The following TRPC4 variants were observed in gnomAD, a reference collection of about 807,000 sequenced individuals.
TRPC4 encodes transient receptor potential cation channel subfamily C member 4.
Under a neutral mutation model 99.4 loss-of-function variants are expected in TRPC4, and 49 were observed. That is an observed-to-expected ratio of 0.49 (90% confidence interval 0.39 to 0.63). TRPC4 has a LOEUF of 0.63. Among genes scored for constraint, TRPC4 ranks in the 20% least tolerant of loss-of-function variants. The pLI is 0.00. For missense variants in TRPC4, 898 were observed against 1,152.9 expected (o/e 0.78, Z 3.20); for synonymous variants, 454 against 425.9 (o/e 1.07, Z -0.81).
chr13:37,656,607 C>CA (rs1468434586), intron 6 of TRPC4, among the ~76,000 whole-genome samples: 1 of 151,864 alleles, frequency 6.6e-6, no homozygotes, highest in East Asian at 1.9e-4. Context: ...TGCATTAAGG[C>CA]AAAAAAGATC....
chr13:37,791,263 G>A (rs554811024), intron 1 of TRPC4, among the ~76,000 whole-genome samples: 1 of 152,004 alleles, frequency 6.6e-6, no homozygotes, highest in Admixed American at 6.6e-5. Context: ...GGGCATAGTG[G>A]CATGCACCTG....
intron 8 of TRPC4, among the ~76,000 whole-genome samples, chr13:37,647,814 A>C (rs919644193): frequency 2.0e-5 from 3 of 152,248 alleles, no homozygotes; most frequent in Middle Eastern, 3.2e-3. Context: ...ATAATAAACT[A>C]TCAGGAGGAT....
At position 37,855,820 on chromosome 13, in the gene TRPC4, A is replaced by G. The variant is rs530407310; in HGVS notation, c.-28+13775T>C. Among the ~76,000 whole-genome samples, 5 of 152,032 alleles carry G rather than the reference A, an allele frequency of 3.3e-5. No homozygotes were observed. The East Asian group carries it at 9.6e-4, about 29-fold the overall frequency. On this transcript the variant is annotated intron_variant, in intron 1 of 10. Coordinates refer to ENST00000379705, the MANE Select transcript of TRPC4 (RefSeq NM_016179.4). ...AAGTAATTAAGAAGGAAATTGAAAG[A>G]TATCTTGAGACAAATTACAATGGAA...
chr13:37,639,822 G>GAATA (rs1951660081), intron 8 of TRPC4, among the ~76,000 whole-genome samples: 1 of 150,974 alleles, frequency 6.6e-6, no homozygotes, highest in Non-Finnish European at 1.5e-5. Flanking sequence ...GGATTTAACG[G>GAATA]AATAAATAAA....
At chr13:37,787,963 C>T (rs549875241) in intron 1 of TRPC4, among the ~76,000 whole-genome samples, 25 of 152,042 alleles carry the variant, frequency 1.6e-4, no homozygotes, top group Admixed American at 1.4e-3. Flanking sequence ...ACACACATAT[C>T]GAGGGGAATG....
At chr13:37,853,975 A>G (rs1286536429) in intron 1 of TRPC4, among the ~76,000 whole-genome samples, 1 of 152,154 alleles carries the variant, frequency 6.6e-6, no homozygotes, top group African/African-American at 2.4e-5. Context: ...TTGGCCTTAA[A>G]GAGGAAGTAG....
intron 8 of TRPC4, among the ~76,000 whole-genome samples, chr13:37,650,608 T>TACACA (rs1392003949): frequency 3.2e-4 from 14 of 44,412 alleles, no homozygotes; most frequent in African/African-American, 1.0e-3. Flanking sequence ...TCTCTCTCTC[T>TACACA]CTATACACAC....
intron 1 of TRPC4, among the ~76,000 whole-genome samples, chr13:37,815,805 A>G (rs1464443098): frequency 6.6e-6 from 1 of 151,922 alleles, no homozygotes; most frequent in Non-Finnish European, 1.5e-5. Context: ...CTAAAACAAA[A>G]GAATATACAT....
At position 37,745,487 on chromosome 13, in the gene TRPC4, C is replaced by T. The variant is rs1566138492; in HGVS notation, c.897+450G>A. 3.0e-4 allele frequency among the ~76,000 whole-genome samples: 35 copies of T among 116,960 alleles called. 1 individual carries two copies. The highest frequency in any genetic ancestry group is 6.6e-4 in the Admixed American group (8 of 12,086). 76.7% of individuals were successfully genotyped at this position (116,960 alleles called of 152,430 possible). On this transcript the variant is annotated intron_variant, in intron 3 of 10. Transcript: ENST00000379705. ...ATATATATATATACACACACACACA[C>T]ACTTATATATACGTATATATGTATA...
In TRPC4 at chr13:37,777,683, T is replaced by C. The variant is rs1439292841; in HGVS notation, c.378+5273A>G. On this transcript the variant is annotated intron_variant, in intron 2 of 10. Coordinates refer to ENST00000379705, the MANE Select transcript of TRPC4 (RefSeq NM_016179.4). ...TGTTATTTGTACATTTGTTTGTCAATAGGAAGACAGAGATAATGGCATAAC... is the reference window on the plus strand; with the variant it reads ...TGTTATTTGTACATTTGTTTGTCAACAGGAAGACAGAGATAATGGCATAAC... Among the ~76,000 whole-genome samples the C allele has an allele frequency of 2.6e-5, 4 of 152,028 alleles. 1 individual carries two copies. Among genetic ancestry groups the C allele is most frequent in the Admixed American group, 2.6e-4 (4 of 15,228 alleles).
At chr13:37,663,755 A>G in intron 5 of TRPC4, 26 bp from the exon 6 acceptor site, 18 of 1,566,560 alleles carry the variant, frequency 1.1e-5, no homozygotes, top group Non-Finnish European at 1.5e-5. Context: ...AAACAAAGGG[A>G]AAGTAAAACA....
At chr13:37,686,553 T>G (rs542439895) in intron 4 of TRPC4, among the ~76,000 whole-genome samples, 2 of 152,254 alleles carry the variant, frequency 1.3e-5, no homozygotes, top group Middle Eastern at 3.4e-3. Context: ...ATCTTCAATT[T>G]GGTAGGCCTT....
rs117416535 is a variant in TRPC4, at chr13:37,734,434, G to A, written c.897+11503C>T. 3.1e-3 allele frequency among the ~76,000 whole-genome samples: 469 copies of A among 152,140 alleles called. 3 individuals carry two copies. The highest frequency in any genetic ancestry group is 5.2e-3 in the Admixed American group (80 of 15,270). ...AAAAATTCACCTTTTATGGAATTGC[G>A]TTTAGAGACAGAGAGAAGATCTCTG... On this transcript the variant is annotated intron_variant, in intron 3 of 10. Transcript: ENST00000379705.
rs1046743556 is a variant in TRPC4 at position 37,634,944 on chromosome 13, C to T, written c.*1959G>A. Reference sequence around the variant, plus strand: ...GGCCCATTCCTAAATTCCCAAAAACCAGGTTTAGGAGTGAACAGGGGCTTA... The same window carrying T: ...GGCCCATTCCTAAATTCCCAAAAACTAGGTTTAGGAGTGAACAGGGGCTTA... On this transcript the variant is annotated 3_prime_UTR_variant, in exon 11 of 11. Transcript: ENST00000379705. 1.3e-5 allele frequency among the ~76,000 whole-genome samples: 2 copies of T among 151,934 alleles called. No individual in the cohort carries two copies. Among genetic ancestry groups the T allele is most frequent in the Middle Eastern group, 3.2e-3 (1 of 316 alleles).
Position 37,636,986 on chromosome 13 carries a change from T to C in TRPC4, c.2851A>G (p.Lys951Glu), listed in dbSNP as rs1224292006. Residue 951 changes from lysine to glutamate, a missense_variant, in exon 11 of 11, where the codon AAA becomes GAA. Lys to Glu is a moderately conservative substitution (Grantham distance 56, BLOSUM62 1). This residue lies in a region of TRPC4 where 346 missense variants were observed against 351.4 expected (regional missense o/e 0.98). Transcript: ENST00000379705. ...TAGTCTATACTAGAGTCCTCTTCTTTTGCATGTTTCTCCTTTGGTATTATA... is the reference window on the plus strand; with the variant it reads ...TAGTCTATACTAGAGTCCTCTTCTTCTGCATGTTTCTCCTTTGGTATTATA... Reference protein sequence around the residue: ...VPIIPKEKHAKEEDSSIDYDL... With the variant: ...VPIIPKEKHAEEEDSSIDYDL... 1 of 1,613,752 alleles carries C rather than the reference T, an allele frequency of 6.2e-7. No individual in the cohort carries two copies. Among genetic ancestry groups the C allele is most frequent in the Admixed American group, 1.7e-5 (1 of 59,996 alleles).
intron 3 of TRPC4, among the ~76,000 whole-genome samples, chr13:37,725,715 A>G (rs1451281948): frequency 2.6e-5 from 4 of 152,196 alleles, no homozygotes; most frequent in African/African-American, 7.2e-5. Flanking sequence ...TCATACCTCA[A>G]GAAAGCAGTT....
At chr13:37,846,402 C>T (rs897927878) in intron 1 of TRPC4, among the ~76,000 whole-genome samples, 15 of 151,854 alleles carry the variant, frequency 9.9e-5, no homozygotes, top group African/African-American at 3.4e-4. Context: ...ATACAAATTA[C>T]AAAAATGAAT....
rs140062958 is a variant in TRPC4 at position 37,827,971 on chromosome 13, G to T, written c.-28+41624C>A. ...CGAGCCAGGTGCGGGATATAATCTC[G>T]TGGTGGGCCGTTTTTTAAGCCCGTC... On this transcript the variant is annotated intron_variant, in intron 1 of 10. Coordinates refer to ENST00000379705, the MANE Select transcript of TRPC4 (RefSeq NM_016179.4). Among the ~76,000 whole-genome samples the T allele has an allele frequency of 2.0e-5, 3 of 152,326 alleles. No individual in the cohort carries two copies. In the South Asian group the frequency reaches 6.2e-4, roughly 32 times the overall value.
chr13:37,730,852 T>C (rs1429265038), intron 3 of TRPC4, among the ~76,000 whole-genome samples: 1 of 152,048 alleles, frequency 6.6e-6, no homozygotes, highest in Admixed American at 6.6e-5. Context: ...AATAAGTACC[T>C]ATAAAATGGC....
Sources: gnomAD v4.1 joint callset for allele counts (sites outside exome capture counted in the v4.1 genomes callset) on GRCh38, gnomAD v4.1.1 for gene constraint, gnomAD v4.1.1 regional missense constraint, MANE v1.5 for transcripts, NCBI Gene and HGNC (gene_info 2026-07-23, HGNC 2026-07-21) for gene names.